RABGAP1L: variants seen among roughly 807,000 people sequenced by gnomAD.
RABGAP1L encodes the protein RAB GTPase activating protein 1 like.
RABGAP1L carries 63 observed loss-of-function variants against 137.7 expected under a neutral mutation model. The observed-to-expected ratio is 0.46, with a 90% confidence interval of 0.37 to 0.56. RABGAP1L has a LOEUF of 0.56. RABGAP1L is among the 20% of genes least tolerant of loss of function. The pLI, the probability that RABGAP1L is intolerant of heterozygous loss-of-function variation, is 0.00. For missense variants in RABGAP1L, 1,095 were observed against 1,244.0 expected, an observed-to-expected ratio of 0.88 and a Z score of 1.80; for synonymous variants, 431 against 433.7, an observed-to-expected ratio of 0.99 and a Z score of 0.08.
At chr1:174,418,167 G>A (rs958862982) in intron 13 of RABGAP1L, among the ~76,000 whole-genome samples, 66 of 152,194 alleles carry the variant, frequency 4.3e-4, no homozygotes, top group African/African-American at 1.5e-3. Context: ...CTTGGTGTAT[G>A]TGAGGCAATG....
chr1:174,781,752 A>G (rs893034871), intron 18 of RABGAP1L, among the ~76,000 whole-genome samples: 1 of 152,164 alleles, frequency 6.6e-6, no homozygotes, highest in Non-Finnish European at 1.5e-5. Flanking sequence ...TATAAGGTAT[A>G]AGGAAGGGAT....
intron 13 of RABGAP1L, among the ~76,000 whole-genome samples, chr1:174,613,482 T>A (rs1172852836): frequency 7.9e-5 from 12 of 152,160 alleles, no homozygotes; most frequent in Non-Finnish European, 1.6e-4. Context: ...TCCAACTATG[T>A]GGTCAATTTT....
chr1:174,465,349 G>A (rs1657173780), intron 13 of RABGAP1L, among the ~76,000 whole-genome samples: 1 of 152,086 alleles, frequency 6.6e-6, no homozygotes. Context: ...ACTGGTGTGT[G>A]CCACCATGCC....
intron 14 of RABGAP1L, among the ~76,000 whole-genome samples, chr1:174,676,720 G>T (rs1363690554): frequency 3.9e-5 from 6 of 152,186 alleles, no homozygotes; most frequent in African/African-American, 1.2e-4. Context: ...TTTGGATACT[G>T]TTAGCTTCAG....
At chr1:174,232,600 G>T (rs1021350854) in intron 4 of RABGAP1L, among the ~76,000 whole-genome samples, 1 of 151,714 alleles carries the variant, frequency 6.6e-6, no homozygotes, top group South Asian at 2.1e-4. Flanking sequence ...TGGCTAACAC[G>T]GTGAAACCCC....
intron 11 of RABGAP1L, among the ~76,000 whole-genome samples, chr1:174,351,099 A>AGGGGGT (rs1362361153): frequency 5.2e-5 from 3 of 57,836 alleles, no homozygotes; most frequent in Non-Finnish European, 1.1e-4. Flanking sequence ...GGGGAGGGGG[A>AGGGGGT]GGGGTTGTTT....
intron 18 of RABGAP1L, among the ~76,000 whole-genome samples, chr1:174,811,293 A>G (rs889479804): frequency 3.3e-5 from 5 of 152,186 alleles, no homozygotes; most frequent in Non-Finnish European, 4.4e-5. Context: ...TTACTTTTTC[A>G]TAGCATTCTT....
intron 13 of RABGAP1L, among the ~76,000 whole-genome samples, chr1:174,614,319 C>G (rs1671575379): frequency 6.6e-6 from 1 of 152,158 alleles, no homozygotes; most frequent in Non-Finnish European, 1.5e-5. Flanking sequence ...ACTTATGAAA[C>G]TTAGTTTGGC....
intron 13 of RABGAP1L, among the ~76,000 whole-genome samples, chr1:174,461,884 G>T (rs760433207): frequency 2.6e-5 from 4 of 152,016 alleles, no homozygotes; most frequent in African/African-American, 9.7e-5. Flanking sequence ...CGTCTTAAAG[G>T]GGGGTGAATA....
At chr1:174,494,010 A>G (rs1660514329) in intron 13 of RABGAP1L, among the ~76,000 whole-genome samples, 1 of 152,184 alleles carries the variant, frequency 6.6e-6, no homozygotes, top group African/African-American at 2.4e-5. Context: ...TTTTTCAAAC[A>G]AATAATTTTA....
rs1036286733 is a variant in RABGAP1L, at chr1:174,589,548, G to C, written c.1711-47827G>C. Reference sequence around the variant, plus strand: ...AATTTTTGCCCAGCTTGATGTCTTTGAGAGTTTCCTTAATGTTTTCTTGTG... The same window carrying C: ...AATTTTTGCCCAGCTTGATGTCTTTCAGAGTTTCCTTAATGTTTTCTTGTG... On this transcript the variant is annotated intron_variant, in intron 13 of 25. Coordinates refer to ENST00000681986, the MANE Select transcript of RABGAP1L (RefSeq NM_001366446.1). 2.0e-5 allele frequency among the ~76,000 whole-genome samples: 3 copies of C among 152,114 alleles called. No individual in the cohort carries two copies. In the East Asian group the frequency reaches 5.8e-4, roughly 29 times the overall value.
chr1:174,504,836 A>G (rs569496189), intron 13 of RABGAP1L, among the ~76,000 whole-genome samples: 2 of 152,204 alleles, frequency 1.3e-5, no homozygotes, highest in African/African-American at 4.8e-5. Context: ...ATATAATTCC[A>G]AAAGCACAAG....
chr1:174,317,477 T>C (rs1227390551), intron 11 of RABGAP1L, among the ~76,000 whole-genome samples: 6 of 152,142 alleles, frequency 3.9e-5, no homozygotes, highest in Non-Finnish European at 7.4e-5. Context: ...ATGATTCTGA[T>C]GGTGCCCTAT....
chr1:174,639,707 G>C (rs887098635), intron 14 of RABGAP1L, among the ~76,000 whole-genome samples: 7 of 152,044 alleles, frequency 4.6e-5, no homozygotes, highest in Non-Finnish European at 8.8e-5. Flanking sequence ...AGTAAAAATA[G>C]TATTTGCCTT....
At chr1:174,548,350 A>G (rs1251500216) in intron 13 of RABGAP1L, 3 of 1,097,522 alleles carry the variant, frequency 2.7e-6, no homozygotes, top group African/African-American at 1.6e-5. Flanking sequence ...AAAGTGCTCT[A>G]TTACCCTTAC....
At chr1:174,542,186 A>T (rs1203943454) in intron 13 of RABGAP1L, among the ~76,000 whole-genome samples, 1 of 152,046 alleles carries the variant, frequency 6.6e-6, no homozygotes, top group African/African-American at 2.4e-5. Context: ...TCCTCCTTGT[A>T]CCTCTGGTAG....
At chr1:174,473,676 A>G (rs978834512) in intron 13 of RABGAP1L, among the ~76,000 whole-genome samples, 1 of 152,222 alleles carries the variant, frequency 6.6e-6, no homozygotes. Context: ...GTTAAACTTT[A>G]AAAGTTCTCA....
intron 8 of RABGAP1L, chr1:174,275,007 G>A (rs977523933): frequency 2.6e-5 from 4 of 152,174 alleles, no homozygotes; most frequent in African/African-American, 9.7e-5. Context: ...CTTGTATGCT[G>A]TGTGTTGTTC....
rs189702561 is a variant in RABGAP1L, at chr1:174,162,728, A to G, written c.-34+3071A>G. Among the ~76,000 whole-genome samples, 958 of 146,670 alleles carry G rather than the reference A, an allele frequency of 6.5e-3. 8 individuals carry two copies. The highest frequency in any genetic ancestry group is 0.011 in the Non-Finnish European group (731 of 67,078). On this transcript the variant is annotated intron_variant, in intron 1 of 25. Transcript: ENST00000681986. ...TGAGTCTGAGGATGACCAGCAGCCC[A>G]AGGCTATTCCAGGTGCTGGTATTTC...
Sources: allele counts gnomAD v4.1 joint callset (sites outside exome capture counted in the v4.1 genomes callset), GRCh38; gene constraint gnomAD v4.1.1; transcripts MANE v1.5; gene names NCBI Gene and HGNC (gene_info 2026-07-23, HGNC 2026-07-21).